Variants in ATOSA observed in about 807,000 individuals in gnomAD.
ATOSA encodes atos homolog A, also known as atos homolog protein A.
the ATOSA span, among the ~76,000 whole-genome samples, chr15:52,592,186 T>TG: frequency 3.9e-5 from 6 of 152,150 alleles, no homozygotes; most frequent in African/African-American, 1.4e-4. Context: ...CTAATGTCCT[T>TG]GAAAACCTAG....
the ATOSA span, among the ~76,000 whole-genome samples, chr15:52,615,871 G>A: frequency 1.3e-5 from 2 of 152,214 alleles, no homozygotes; most frequent in African/African-American, 4.8e-5. Flanking sequence ...GCTCTAGAAG[G>A]TGAGGACTAT....
the ATOSA span, chr15:52,584,706 G>A: frequency 1.2e-5 from 19 of 1,542,276 alleles, no homozygotes; most frequent in African/African-American, 1.1e-4. Flanking sequence ...TTTTAGAGTT[G>A]TTCTAAAGTA....
At chr15:52,623,023 G>GTA in the ATOSA span, among the ~76,000 whole-genome samples, 1 of 151,606 alleles carries the variant, frequency 6.6e-6, no homozygotes. Context: ...AGCCAGGTGT[G>GTA]TAACATGTGC....
At chr15:52,660,119 T>C in the ATOSA span, among the ~76,000 whole-genome samples, 21 of 152,196 alleles carry the variant, frequency 1.4e-4, no homozygotes, top group Non-Finnish European at 2.6e-4. Flanking sequence ...AAAAATAAAA[T>C]TATGATATCT....
At chr15:52,604,752 A>G in the ATOSA span, among the ~76,000 whole-genome samples, 1 of 152,240 alleles carries the variant, frequency 6.6e-6, no homozygotes, top group Non-Finnish European at 1.5e-5. Context: ...AGAGATTTAT[A>G]TGTCTCAAGA....
chr15:52,696,751 A>G, the ATOSA span, among the ~76,000 whole-genome samples: 1 of 152,056 alleles, frequency 6.6e-6, no homozygotes, highest in Non-Finnish European at 1.5e-5. Context: ...ATTTTTTTAA[A>G]TGTGCTAATA....
the ATOSA span, among the ~76,000 whole-genome samples, chr15:52,697,275 T>G: frequency 6.6e-6 from 1 of 152,200 alleles, no homozygotes; most frequent in African/African-American, 2.4e-5. Context: ...TTCAAAGACT[T>G]CCCTTCTTCC....
chr15:52,679,781 TC>T, the ATOSA span, among the ~76,000 whole-genome samples: 12 of 86,180 alleles, frequency 1.4e-4, no homozygotes, highest in African/African-American at 4.1e-4. Flanking sequence ...CTCCTCCTCC[TC>T]CTCCTCCTCC....
At chr15:52,604,775 G>A in the ATOSA span, among the ~76,000 whole-genome samples, 1 of 152,130 alleles carries the variant, frequency 6.6e-6, no homozygotes, top group Admixed American at 6.5e-5. Flanking sequence ...ATTAAGTGAA[G>A]GGATTCCAAA....
the ATOSA span, among the ~76,000 whole-genome samples, chr15:52,659,688 T>G: frequency 6.6e-6 from 1 of 151,980 alleles, no homozygotes; most frequent in African/African-American, 2.4e-5. Context: ...CAGAATGAAA[T>G]ACCAGTTAAT....
chr15:52,665,454 T>G, the ATOSA span, among the ~76,000 whole-genome samples: 1 of 152,242 alleles, frequency 6.6e-6, no homozygotes, highest in Non-Finnish European at 1.5e-5. Flanking sequence ...GAATCATTTG[T>G]GTGAGTTTTG....
chr15:52,701,570 A>G, the ATOSA span, among the ~76,000 whole-genome samples: 1 of 152,258 alleles, frequency 6.6e-6, no homozygotes, highest in African/African-American at 2.4e-5. Flanking sequence ...CAACACACAC[A>G]GTAAACTTCA....
At chr15:52,678,307 C>G in the ATOSA span, 1 of 587,362 alleles carries the variant, frequency 1.7e-6, no homozygotes, top group Non-Finnish European at 3.0e-6. Context: ...ACCCCCTTCC[C>G]TGCCTCTGTG....
chr15:52,685,738 T>C, the ATOSA span, among the ~76,000 whole-genome samples: 383 of 152,284 alleles, frequency 2.5e-3, 1 homozygote, highest in South Asian at 0.02. Context: ...AGACAGGGTC[T>C]CACTCTGTCA....
the ATOSA span, among the ~76,000 whole-genome samples, chr15:52,674,197 C>G: frequency 1.4e-5 from 2 of 146,726 alleles, no homozygotes; most frequent in South Asian, 2.1e-4. Context: ...TTTTAATTAC[C>G]TCTACACTAA....
At chr15:52,591,642 G>C in the ATOSA span, among the ~76,000 whole-genome samples, 2 of 152,270 alleles carry the variant, frequency 1.3e-5, no homozygotes, top group African/African-American at 4.8e-5. Flanking sequence ...GTCCTGGTAA[G>C]GCAAAACAGG....
the ATOSA span, chr15:52,609,271 G>C: frequency 6.2e-7 from 1 of 1,613,758 alleles, no homozygotes; most frequent in Non-Finnish European, 8.5e-7. Context: ...TCCTAACAAG[G>C]AACATTTTGT....
At chr15:52,693,349 G>T in the ATOSA span, among the ~76,000 whole-genome samples, 10,312 of 152,216 alleles carry the variant, frequency 0.068, 581 homozygotes, top group East Asian at 0.29. Flanking sequence ...GAACCCAGGA[G>T]GCAGAGGTTG....
chr15:52,662,789 A>T, the ATOSA span, among the ~76,000 whole-genome samples: 2 of 149,748 alleles, frequency 1.3e-5, no homozygotes, highest in Non-Finnish European at 3.0e-5. Context: ...AAAAAAAAAG[A>T]CATAGTATTA....
Sources: allele counts gnomAD v4.1 joint callset (sites outside exome capture counted in the v4.1 genomes callset), GRCh38; gene constraint gnomAD v4.1.1; transcripts MANE v1.5; gene names NCBI Gene and HGNC (gene_info 2026-07-23, HGNC 2026-07-21).